The following WDR19 variants were observed in gnomAD, a reference collection of about 807,000 sequenced individuals.
The protein encoded by WDR19 is WD repeat-containing protein 19.
Under a neutral mutation model 180.0 loss-of-function variants are expected in WDR19, and 121 were observed. That is an observed-to-expected ratio of 0.67 (90% CI 0.58 to 0.78). WDR19 has a LOEUF of 0.78. Among genes scored for constraint, WDR19 ranks in the 30% least tolerant of loss-of-function variants. The pLI is 0.00. For synonymous variants in WDR19, 497 were observed against 540.7 expected (o/e 0.92, Z 1.12); for missense variants, 1,450 against 1,640.7 (o/e 0.88, Z 2.01).
At chr4:39,197,435 AAAAAAAAAAAGAAAG>A (rs1388413266) in intron 5 of WDR19, among the ~76,000 whole-genome samples, 1 of 151,684 alleles carries the variant, frequency 6.6e-6, no homozygotes, top group Non-Finnish European at 1.5e-5. Context: ...CAAAAAAAAA[AAAAAAAAAAAGAAAG>A]AAAAAGAAAA....
At chr4:39,257,615 A>C in intron 28 of WDR19, 61 bp downstream of exon 28, 2 of 1,474,168 alleles carry the variant, frequency 1.4e-6, no homozygotes, top group Non-Finnish European at 1.9e-6. Context: ...TTCTTGAAAA[A>C]AATTTTAAAT....
chr4:39,193,172 T>A (rs1410899166), intron 4 of WDR19, among the ~76,000 whole-genome samples: 1 of 151,534 alleles, frequency 6.6e-6, no homozygotes, highest in Non-Finnish European at 1.5e-5. Context: ...TTTCTTTTTT[T>A]TTTTTTTGAG....
chr4:39,257,211 G>A (rs1264112835), intron 27 of WDR19, among the ~76,000 whole-genome samples: 2 of 152,130 alleles, frequency 1.3e-5, no homozygotes, highest in Non-Finnish European at 2.9e-5. Context: ...ATAAATGAAT[G>A]AAAATAATTA....
At chr4:39,237,133 GAAAGT>G (rs770640630) in intron 20 of WDR19, among the ~76,000 whole-genome samples, 3 of 152,074 alleles carry the variant, frequency 2.0e-5, no homozygotes, top group Non-Finnish European at 4.4e-5. Context: ...TTTAAACAAA[GAAAGT>G]ATAGTTCTAA....
At chr4:39,215,516 G>A (rs28435391) in intron 10 of WDR19, among the ~76,000 whole-genome samples, 7,063 of 152,098 alleles carry the variant, frequency 0.046, 533 homozygotes, top group African/African-American at 0.16. Context: ...TACGTAGTAG[G>A]CTATTTGATC....
At chr4:39,199,792 A>G (rs542412675) in intron 6 of WDR19, among the ~76,000 whole-genome samples, 199 bp downstream of exon 6, 2 of 152,344 alleles carry the variant, frequency 1.3e-5, no homozygotes, top group East Asian at 3.9e-4. Context: ...TGTTATCCAA[A>G]TATCCTCCTT....
chr4:39,268,060 C>T lies in WDR19; in HGVS notation c.3327C>T (p.Ala1109=), dbSNP rs765686917. Residue 1109 remains alanine (A), a synonymous_variant, in exon 30 of 37, where the codon GCC becomes GCT. Coordinates refer to ENST00000399820, the MANE Select transcript of WDR19 (RefSeq NM_025132.4). The stretch of plus-strand genomic sequence containing the variant: ...AATACCGAGAAGCTGCCCAGACTGC[C>T]ATCATCATTGCCAGAGAAGAGCAGT... ...LKQYREAAQT[A]IIIAREEQSA... The T allele has an allele frequency of 2.5e-6, 4 of 1,600,090 alleles. No homozygotes were observed. The East Asian group carries it at 6.8e-5, about 27-fold the overall frequency.
rs766616967 is a variant in WDR19, at chr4:39,253,157, C to A, written c.2741C>A (p.Ala914Asp). Residue 914 changes from alanine to aspartate, a missense_variant, in exon 25 of 37, where the codon GCT (alanine) becomes GAT (aspartate). Physicochemically the swap from Ala to Asp is moderately radical, Grantham distance 126 (BLOSUM62 -2). Coordinates refer to ENST00000399820, the MANE Select transcript of WDR19 (RefSeq NM_025132.4). The stretch of plus-strand genomic sequence containing the variant: ...CTATTTTTTTACAGATACAAAGAAG[C>A]TGTTGTAGCTTATGAAAATGCAAAA... ...AKEADGRYKEAVVAYENAKQW... is the reference protein window; with the variant it reads ...AKEADGRYKEDVVAYENAKQW... 1 of 1,594,398 alleles carries A rather than the reference C, an allele frequency of 6.3e-7. No individual in the cohort carries two copies. The highest frequency in any genetic ancestry group is 8.5e-7 in the Non-Finnish European group (1 of 1,173,850).
At chr4:39,234,709 G>A (rs565013180) in intron 19 of WDR19, 57 bp from the exon 20 acceptor site, 2 of 1,134,606 alleles carry the variant, frequency 1.8e-6, no homozygotes, top group East Asian at 5.1e-5. Context: ...GCTCTTTGTG[G>A]TAACTTTGCA....
intron 33 of WDR19, among the ~76,000 whole-genome samples, chr4:39,276,646 G>C (rs1040702693): frequency 6.6e-6 from 1 of 152,150 alleles, no homozygotes; most frequent in Admixed American, 6.5e-5. Context: ...GGACGGTGCT[G>C]GTATAACTTG....
chr4:39,217,878 G>A lies in WDR19; in HGVS notation c.1357-105G>A, dbSNP rs568003405. On this transcript the variant is annotated intron_variant, in intron 13 of 36. Coordinates refer to ENST00000399820, the MANE Select transcript of WDR19 (RefSeq NM_025132.4). ...ACTAAACTGACCTCTCGTAGTCTTG[G>A]GAGCCTGAATGTTTAGGTGAACTTG... 6 of 1,418,862 alleles carry A rather than the reference G, an allele frequency of 4.2e-6. No individual in the cohort carries two copies. The East Asian group carries it at 9.2e-5, about 22-fold the overall frequency. The allele number at this position is 1,418,862 out of a possible 1,614,324, so 87.9% of individuals were successfully genotyped here. A position where few individuals can be genotyped will look rare whatever the true frequency, so the allele number is the denominator to read the frequency against.
chr4:39,248,374 A>G (rs1197018930), intron 24 of WDR19, among the ~76,000 whole-genome samples: 2 of 152,224 alleles, frequency 1.3e-5, no homozygotes, highest in Admixed American at 6.5e-5. Flanking sequence ...GAAAGGAAGA[A>G]CCGGTACCAG....
At chr4:39,215,293 T>C (rs1728948600) in intron 10 of WDR19, among the ~76,000 whole-genome samples, 1 of 145,264 alleles carries the variant, frequency 6.9e-6, no homozygotes. Context: ...ATTTACTACC[T>C]TTTCTTTGTT....
In WDR19 at chr4:39,257,604, C is replaced by T. The variant is rs1447011946; in HGVS notation, c.3183+50C>T. 4 of 1,519,792 alleles carry T rather than the reference C, an allele frequency of 2.6e-6. No individual in the cohort carries two copies. In the African/African-American group the frequency reaches 4.2e-5, roughly 16 times the overall value. 94.1% of individuals were successfully genotyped at this position (1,519,792 alleles called of 1,614,324 possible). A position where few individuals can be genotyped will look rare whatever the true frequency, so the allele number is the denominator to read the frequency against. ...TCAATAATGCCAATTTTTTAAAAAA[C>T]TTCTTGAAAAAAATTTTAAATATAT... On this transcript the variant is annotated intron_variant, in intron 28 of 36. Coordinates refer to ENST00000399820, the MANE Select transcript of WDR19 (RefSeq NM_025132.4).
intron 36 of WDR19, among the ~76,000 whole-genome samples, chr4:39,280,026 AGTTCT>A (rs1285204898): frequency 1.4e-5 from 2 of 146,106 alleles, no homozygotes; most frequent in South Asian, 2.2e-4. Flanking sequence ...TTTATTGTTC[AGTTCT>A]AAGAGTTCTT....
In WDR19 at chr4:39,215,713, CTACTT is replaced by C. The variant is rs893656963; in HGVS notation, c.962-127_962-123del. ...CAAATTTCCTAGTCTAAAAAAAAAA[CTACTT>C]AAACTAGTAAGGAAAATATTTGAAA... On this transcript the variant is annotated intron_variant, in intron 10 of 36. Transcript: ENST00000399820. The C allele has an allele frequency of 2.6e-5, 25 of 943,934 alleles. No individual in the cohort carries two copies. The African/African-American group carries it at 3.9e-4, about 15-fold the overall frequency. The allele number at this position is 943,934 out of a possible 1,614,324, so 58.5% of individuals were successfully genotyped here.
At chr4:39,208,877 G>A (rs2109308536) in intron 9 of WDR19, among the ~76,000 whole-genome samples, 1 of 152,250 alleles carries the variant, frequency 6.6e-6, no homozygotes, top group South Asian at 2.1e-4. Flanking sequence ...ATGGACTTGA[G>A]CATCTGTGGA....
In WDR19 at chr4:39,254,013, T is replaced by C; in HGVS notation, c.2984T>C (p.Ile995Thr). The C allele has an allele frequency of 6.2e-7, 1 of 1,611,700 alleles. No homozygotes were observed. The highest frequency in any genetic ancestry group is 1.1e-5 in the South Asian group (1 of 90,766). The change falls in exon 26 of 37, where the codon ATC (isoleucine) becomes ACC (threonine). Residue 995 changes from isoleucine (I) to threonine (T), a missense_variant. By Grantham distance (89) the Ile-to-Thr change is moderately conservative. Transcript: ENST00000399820. ...TLAQQHNKME[I>T]YADIIGSEDT... ...GCTCAGCAACACAACAAAATGGAAA[T>C]CTATGCAGATATTATTGGTAAATAT...
chr4:39,184,867 G>A (rs901097055), intron 1 of WDR19, among the ~76,000 whole-genome samples: 2 of 152,070 alleles, frequency 1.3e-5, no homozygotes, highest in Non-Finnish European at 2.9e-5. Flanking sequence ...AACACTGTCT[G>A]ATATAAATGT....
Sources: gnomAD v4.1 joint callset for allele counts (sites outside exome capture counted in the v4.1 genomes callset) on GRCh38, gnomAD v4.1.1 for gene constraint, MANE v1.5 for transcripts, NCBI Gene and HGNC (gene_info 2026-07-23, HGNC 2026-07-21) for gene names.